ZC3H3: variants seen among roughly 807,000 people sequenced by gnomAD.
The protein encoded by ZC3H3 is zinc finger CCCH-type containing 3.
In ZC3H3, 36 loss-of-function variants were observed where a neutral mutation model predicts 77.3. That is an observed-to-expected ratio of 0.47 (90% CI 0.36 to 0.61). The LOEUF (loss-of-function observed/expected upper bound fraction) is 0.61. Among genes scored for constraint, ZC3H3 ranks in the 20% least tolerant of loss-of-function variants. The pLI is 0.00. For synonymous variants in ZC3H3, 626 were observed against 555.2 expected, an observed-to-expected ratio of 1.13 and a Z score of -1.79; for missense variants, 1,331 against 1,312.2, an observed-to-expected ratio of 1.01 and a Z score of -0.22.
intron 4 of ZC3H3, among the ~76,000 whole-genome samples, chr8:143,478,237 G>A (rs759325429): frequency 1.5e-4 from 23 of 152,322 alleles, no homozygotes; most frequent in Non-Finnish European, 3.2e-4. Context: ...GGCTCACATG[G>A]GGACAGGCCA....
At position 143,538,720 on chromosome 8, in the gene ZC3H3, C is replaced by T. The variant is rs760322088; in HGVS notation, c.647G>A (p.Arg216His). The change falls in exon 2 of 12, where the codon CGC becomes CAC. Residue 216 changes from arginine (R) to histidine (H), a missense_variant. By Grantham distance (29) the Arg-to-His change is conservative (BLOSUM62 0). This residue lies in a region of ZC3H3 where 978 missense variants were observed against 915.5 expected (regional missense o/e 1.07). Coordinates refer to ENST00000262577, the MANE Select transcript of ZC3H3 (RefSeq NM_015117.3). Reference sequence around the variant, plus strand: ...AATCACACTCTCACTGACTGTCCGGCGGGGCTCCCGGGGGCTGTCGCCCAC... The same window carrying T: ...AATCACACTCTCACTGACTGTCCGGTGGGGCTCCCGGGGGCTGTCGCCCAC... ...GSVGDSPREPRRTVSESVIAV... is the reference protein window; with the variant it reads ...GSVGDSPREPHRTVSESVIAV... 5 of 1,609,030 alleles carry T rather than the reference C, an allele frequency of 3.1e-6. No homozygotes were observed. The highest frequency in any genetic ancestry group is 3.4e-6 in the Non-Finnish European group (4 of 1,179,800).
chr8:143,534,075 G>A (rs1203322042), intron 3 of ZC3H3, among the ~76,000 whole-genome samples: 1 of 151,978 alleles, frequency 6.6e-6, no homozygotes, highest in Non-Finnish European at 1.5e-5. Context: ...CTTGAGCCCA[G>A]AAGTTCAAGA....
At chr8:143,456,086 G>A (rs1820111975) in intron 9 of ZC3H3, among the ~76,000 whole-genome samples, 1 of 151,942 alleles carries the variant, frequency 6.6e-6, no homozygotes, top group Admixed American at 6.6e-5. Flanking sequence ...GACATCTATG[G>A]GTTCAGGTAT....
intron 4 of ZC3H3, among the ~76,000 whole-genome samples, chr8:143,478,604 G>T (rs1217626803): frequency 6.6e-6 from 1 of 152,252 alleles, no homozygotes; most frequent in African/African-American, 2.4e-5. Context: ...CCGCCTCCCG[G>T]GTTCAAGAGG....
At position 143,530,956 on chromosome 8, in the gene ZC3H3, C is replaced by CA. The variant is rs1485627490; in HGVS notation, c.1561+5300_1561+5301insT. 4.5e-4 allele frequency among the ~76,000 whole-genome samples: 60 copies of CA among 133,540 alleles called. No homozygotes were observed. Among genetic ancestry groups the CA allele is most frequent in the African/African-American group, 1.6e-3 (55 of 34,198 alleles). 87.6% of individuals were successfully genotyped at this position (133,540 alleles called of 152,430 possible). ...CCCTTCTGGGGCTGTCTTCTATCTC[C>CA]TTTTTTTTTTTTTTTTTTTTTGAGA... is the stretch of plus-strand genomic sequence containing the variant. On this transcript the variant is annotated intron_variant, in intron 3 of 11. Coordinates refer to ENST00000262577, the MANE Select transcript of ZC3H3 (RefSeq NM_015117.3). The surrounding 1 kb of genome is among the most constrained non-coding windows in gnomAD (Gnocchi z 4.3).
At chr8:143,505,296 G>T (rs1486993161) in intron 4 of ZC3H3, among the ~76,000 whole-genome samples, 1 of 152,196 alleles carries the variant, frequency 6.6e-6, no homozygotes, top group Non-Finnish European at 1.5e-5. Flanking sequence ...CCGAGGGAGG[G>T]CTGAGGGTCC....
At chr8:143,485,444 G>T (rs1348204883) in intron 4 of ZC3H3, among the ~76,000 whole-genome samples, 1 of 152,182 alleles carries the variant, frequency 6.6e-6, no homozygotes, top group Non-Finnish European at 1.5e-5. Flanking sequence ...TGACGCAGGC[G>T]CCCCTGCACC....
intron 9 of ZC3H3, among the ~76,000 whole-genome samples, chr8:143,453,521 A>G (rs1307424705): frequency 6.6e-6 from 1 of 152,230 alleles, no homozygotes; most frequent in Non-Finnish European, 1.5e-5. Context: ...AGAATCCCAT[A>G]TTCAGTGAAT....
rs185027989 is a variant in ZC3H3 at position 143,481,598 on chromosome 8, G to A, written c.1716-6013C>T. On this transcript the variant is annotated intron_variant, in intron 4 of 11. Coordinates refer to ENST00000262577, the MANE Select transcript of ZC3H3 (RefSeq NM_015117.3). ...TTCTTCCTGCCAAGCGCCGCCACACGGTGGAGCCGGCGAGGGGACATCAGA... is the reference window on the plus strand; with the variant it reads ...TTCTTCCTGCCAAGCGCCGCCACACAGTGGAGCCGGCGAGGGGACATCAGA... Among the ~76,000 whole-genome samples, 39 of 152,354 alleles carry A rather than the reference G, an allele frequency of 2.6e-4. No homozygotes were observed. In the East Asian group the frequency reaches 5.2e-3, roughly 20 times the overall value.
At chr8:143,473,600 G>T (rs927987845) in intron 5 of ZC3H3, among the ~76,000 whole-genome samples, 2 of 152,232 alleles carry the variant, frequency 1.3e-5, no homozygotes, top group African/African-American at 4.8e-5. Context: ...CCAGTGCCAG[G>T]ACTGTGCCTG....
In ZC3H3 at chr8:143,460,380, C is replaced by T. The variant is rs1820230472; in HGVS notation, c.2307+5337G>A. 2.0e-5 allele frequency among the ~76,000 whole-genome samples: 3 copies of T among 152,076 alleles called. No individual in the cohort carries two copies. Among genetic ancestry groups the T allele is most frequent in the Non-Finnish European group, 2.9e-5 (2 of 68,016 alleles). On this transcript the variant is annotated intron_variant, in intron 9 of 11. Coordinates refer to ENST00000262577, the MANE Select transcript of ZC3H3 (RefSeq NM_015117.3). The surrounding 1 kb of genome is among the most constrained non-coding windows in gnomAD (Gnocchi z 4.0). ...GTAAGAAAACCCTAAAGAATCCACA[C>T]ACAAAAAAAGTTAGAATAAAGAAAT...
intron 9 of ZC3H3, among the ~76,000 whole-genome samples, chr8:143,452,530 G>A (rs757452960): frequency 2.0e-5 from 3 of 152,172 alleles, no homozygotes; most frequent in Non-Finnish European, 2.9e-5. Flanking sequence ...CAGACAGGGC[G>A]TCAGAATTAT....
chr8:143,465,914 G>A (rs770616062), intron 8 of ZC3H3, 66 bp from the exon 9 acceptor site: 57 of 1,554,352 alleles, frequency 3.7e-5, no homozygotes, highest in Non-Finnish European at 4.6e-5. Context: ...GACGGTGGCT[G>A]GGGACCCTCC....
chr8:143,498,347 C>T (rs936962965), intron 4 of ZC3H3, among the ~76,000 whole-genome samples: 9 of 152,236 alleles, frequency 5.9e-5, no homozygotes, highest in Non-Finnish European at 1.3e-4. Context: ...GCCCTTCTGG[C>T]TCGGGGGGAA....
Position 143,493,075 on chromosome 8 carries a change from GGGGCTC to G in ZC3H3, c.1715+14665_1715+14670del. 3.4e-5 allele frequency among the ~76,000 whole-genome samples: 1 copy of G among 29,760 alleles called. No homozygotes were observed. The allele number at this position is 29,760 out of a possible 152,430, so 19.5% of individuals were successfully genotyped here. A position where few individuals can be genotyped will look rare whatever the true frequency, so the allele number is the denominator to read the frequency against. On this transcript the variant is annotated intron_variant, in intron 4 of 11. Coordinates refer to ENST00000262577, the MANE Select transcript of ZC3H3 (RefSeq NM_015117.3). This position sits in a 1 kb window ranked among gnomAD's most constrained non-coding sequence, Gnocchi z 4.8. ...CCTCAGGGTCCCGTGTCCTGGCCCA[GGGGCTC>G]ACTCCTCAGGCTCCCGTGTCCTGGC...
chr8:143,529,456 T>C (rs997820869), intron 3 of ZC3H3, among the ~76,000 whole-genome samples: 1 of 152,100 alleles, frequency 6.6e-6, no homozygotes, highest in Non-Finnish European at 1.5e-5. Context: ...GAAAGGATCG[T>C]GTGCACAGGG....
In ZC3H3 at chr8:143,468,463, TACATGCA is replaced by T; in HGVS notation, c.2017_2023del (p.Cys673ThrfsTer59). On this transcript the variant is annotated frameshift_variant, in exon 7 of 12. Transcript: ENST00000262577. LOFTEE classifies it high-confidence loss of function. ...GTTGCACCTGCCGAAGCGGTTGTAG[TACATGCA>T]GTACTCCTTCCTCTTCTCCCTGCGC... 1.2e-6 allele frequency: 2 copies of T among 1,609,822 alleles called. No homozygotes were observed. The highest frequency in any genetic ancestry group is 1.7e-6 in the Non-Finnish European group (2 of 1,178,744).
intron 4 of ZC3H3, among the ~76,000 whole-genome samples, chr8:143,479,189 C>T (rs765103278): frequency 2.6e-5 from 4 of 152,208 alleles, no homozygotes; most frequent in Non-Finnish European, 2.9e-5. Flanking sequence ...CTAGGGTTGC[C>T]CTCACCCCTG....
intron 3 of ZC3H3, among the ~76,000 whole-genome samples, chr8:143,516,566 CAT>C (rs374207522): frequency 0.011 from 1,065 of 92,796 alleles, 14 homozygotes; most frequent in African/African-American, 0.042. Context: ...CACACACACA[CAT>C]ACACACACAC....
Sources: allele counts gnomAD v4.1 joint callset (sites outside exome capture counted in the v4.1 genomes callset), GRCh38; gene constraint gnomAD v4.1.1; regional missense constraint gnomAD v4.1.1; non-coding constraint Gnocchi (gnomAD v3.1); transcripts MANE v1.5; gene names NCBI Gene and HGNC (gene_info 2026-07-23, HGNC 2026-07-21).